Variants in PRKN observed in about 807,000 individuals in gnomAD.
PRKN encodes parkin RBR E3 ubiquitin protein ligase, also known as E3 ubiquitin-protein ligase parkin.
PRKN carries 56 observed loss-of-function variants against 59.5 expected under a neutral mutation model. The observed-to-expected ratio is 0.94, with a 90% CI of 0.76 to 1.18. PRKN has a LOEUF of 1.18. PRKN is among the 50% of genes most tolerant of loss of function. The pLI, the probability that PRKN is intolerant of heterozygous loss-of-function variation, is 0.00. For missense variants in PRKN, 657 were observed against 596.4 expected (o/e 1.10, Z -1.06); for synonymous variants, 250 against 222.1 (o/e 1.13, Z -1.12).
intron 4 of PRKN, among the ~76,000 whole-genome samples, chr6:162,178,048 T>C (rs964637815): frequency 6.6e-6 from 1 of 152,204 alleles, no homozygotes; most frequent in Admixed American, 6.5e-5. Flanking sequence ...TATTTTCCCC[T>C]GTAGGCTAAG....
At chr6:162,337,414 A>G (rs748206336) in intron 2 of PRKN, among the ~76,000 whole-genome samples, 1 of 152,238 alleles carries the variant, frequency 6.6e-6, no homozygotes, top group Non-Finnish European at 1.5e-5. Context: ...CTCAGAGTTC[A>G]ACACATTTGG....
intron 9 of PRKN, among the ~76,000 whole-genome samples, chr6:161,531,664 G>A (rs1267555105): frequency 6.6e-6 from 1 of 152,124 alleles, no homozygotes; most frequent in African/African-American, 2.4e-5. Context: ...AAACGTGTAG[G>A]GGATATTTAG....
At chr6:162,643,565 T>C (rs549063087) in intron 1 of PRKN, among the ~76,000 whole-genome samples, 2 of 152,230 alleles carry the variant, frequency 1.3e-5, no homozygotes, top group African/African-American at 4.8e-5. Context: ...TTTCCATTAA[T>C]GGACTCTTGC....
At chr6:162,670,092 T>C (rs561178948) in intron 1 of PRKN, among the ~76,000 whole-genome samples, 25 of 152,250 alleles carry the variant, frequency 1.6e-4, no homozygotes, top group African/African-American at 5.8e-4. Flanking sequence ...ACTAACAGAA[T>C]TAAATATCCC....
At chr6:161,636,428 C>A (rs1783523849) in intron 7 of PRKN, among the ~76,000 whole-genome samples, 1 of 152,210 alleles carries the variant, frequency 6.6e-6, no homozygotes, top group Non-Finnish European at 1.5e-5. Context: ...GATATAATCC[C>A]CTGTCTTTCA....
At position 162,370,420 on chromosome 6, in the gene PRKN, G is replaced by A. The variant is rs562226865; in HGVS notation, c.171+72890C>T. On this transcript the variant is annotated intron_variant, in intron 2 of 11. Coordinates refer to ENST00000366898, the MANE Select transcript of PRKN (RefSeq NM_004562.3). ...AACCAAGGATGTTGTATAAATATTC[G>A]TCCTTGTGTCACTATTTTATTGGCT... is the stretch of plus-strand genomic sequence containing the variant. Among the ~76,000 whole-genome samples the A allele has an allele frequency of 2.0e-5, 3 of 152,150 alleles. 1 individual carries two copies. Among genetic ancestry groups the A allele is most frequent in the Admixed American group, 1.3e-4 (2 of 15,266 alleles).
intron 5 of PRKN, among the ~76,000 whole-genome samples, chr6:162,016,987 G>A (rs534868742): frequency 6.6e-6 from 1 of 152,294 alleles, no homozygotes; most frequent in South Asian, 2.1e-4. Context: ...AACTGTGTGT[G>A]TGCAACTCAA....
intron 1 of PRKN, among the ~76,000 whole-genome samples, chr6:162,701,576 A>G (rs1778153287): frequency 6.6e-6 from 1 of 152,106 alleles, no homozygotes; most frequent in African/African-American, 2.4e-5. Flanking sequence ...AAAAAAATAC[A>G]AGTCCAGCAC....
chr6:161,963,974 A>G (rs1261761043), intron 6 of PRKN, among the ~76,000 whole-genome samples: 1 of 150,978 alleles, frequency 6.6e-6, no homozygotes, highest in African/African-American at 2.5e-5. Flanking sequence ...CACACAGGAC[A>G]ACAGCGAGTT....
chr6:161,581,725 G>C lies in PRKN; in HGVS notation c.872-12309C>G, dbSNP rs1781348119. 6.6e-6 allele frequency among the ~76,000 whole-genome samples: 1 copy of C among 152,210 alleles called. No homozygotes were observed. The highest frequency in any genetic ancestry group is 6.5e-5 in the Admixed American group (1 of 15,280). ...ATCAGCAATTGGTGTTGACTCAGAA[G>C]GCTGAGATTCTGTTTGAGGACTTAA... is the stretch of plus-strand genomic sequence containing the variant. On this transcript the variant is annotated intron_variant, in intron 7 of 11. Transcript: ENST00000366898. The surrounding 1 kb of genome is among the most constrained non-coding windows in gnomAD (Gnocchi z 4.5).
chr6:161,868,081 T>A lies in PRKN; in HGVS notation c.735-82173A>T, dbSNP rs550898091. Among the ~76,000 whole-genome samples, 3 of 152,036 alleles carry A rather than the reference T, an allele frequency of 2.0e-5. No individual in the cohort carries two copies. In the East Asian group the frequency reaches 5.8e-4, roughly 30 times the overall value. On this transcript the variant is annotated intron_variant, in intron 6 of 11. Coordinates refer to ENST00000366898, the MANE Select transcript of PRKN (RefSeq NM_004562.3). ...TGGCCAAATCTTTTAATTTCTTTAA[T>A]CCCAATCTTTTACTTCTAAGATAAT...
chr6:162,631,938 C>T (rs1783123441), intron 1 of PRKN, among the ~76,000 whole-genome samples: 1 of 141,366 alleles, frequency 7.1e-6, no homozygotes, highest in Non-Finnish European at 1.5e-5. Flanking sequence ...ATCAAAACCA[C>T]AATAAGATAC....
At chr6:162,675,818 C>T (rs1212107005) in intron 1 of PRKN, among the ~76,000 whole-genome samples, 1 of 151,972 alleles carries the variant, frequency 6.6e-6, no homozygotes, top group East Asian at 1.9e-4. Flanking sequence ...CTGAGAATAA[C>T]TATTTTTAAA....
intron 4 of PRKN, among the ~76,000 whole-genome samples, chr6:162,124,500 TTGAGCTGGAATC>T (rs1265696389): frequency 1.4e-4 from 22 of 152,264 alleles, no homozygotes; most frequent in Admixed American, 4.6e-4. Context: ...GAAAAGCCCA[TTGAGCTGGAATC>T]TGATTTGAAA....
At chr6:161,750,668 G>A (rs1788651706) in intron 7 of PRKN, among the ~76,000 whole-genome samples, 1 of 151,628 alleles carries the variant, frequency 6.6e-6, no homozygotes, top group East Asian at 2.0e-4. Context: ...TAGGGAGGCT[G>A]AGGCAGGAGA....
chr6:161,514,247 A>C (rs1165269328), intron 9 of PRKN, among the ~76,000 whole-genome samples: 1 of 152,106 alleles, frequency 6.6e-6, no homozygotes, highest in African/African-American at 2.4e-5. Context: ...TCTGCAAATG[A>C]AAGATATTTA....
chr6:161,916,915 C>T (rs1778585131), intron 6 of PRKN, among the ~76,000 whole-genome samples: 1 of 152,148 alleles, frequency 6.6e-6, no homozygotes, highest in Non-Finnish European at 1.5e-5. Flanking sequence ...TCTCCTCCTG[C>T]CCCAGCCTCC....
rs187209502 is a variant in PRKN at position 161,359,174 on chromosome 6, G to A, written c.1285+914C>T. On this transcript the variant is annotated intron_variant, in intron 11 of 11. Transcript: ENST00000366898. This position sits in a 1 kb window ranked among gnomAD's most constrained non-coding sequence, Gnocchi z 5.4. ...GCATGCAATGGAGTAATAAGGACAC[G>A]CTGGGTAAATTATTTATTTTCTCTG... Among the ~76,000 whole-genome samples the A allele has an allele frequency of 3.2e-3, 492 of 152,302 alleles. 2 individuals are homozygous for A. The highest frequency in any genetic ancestry group is 0.011 in the African/African-American group (456 of 41,566).
chr6:162,123,453 T>C (rs12663541), intron 4 of PRKN, among the ~76,000 whole-genome samples: 7 of 152,236 alleles, frequency 4.6e-5, no homozygotes, highest in African/African-American at 1.4e-4. Context: ...GGTATGTATA[T>C]GGTAACTAAT....
Sources: allele counts gnomAD v4.1 joint callset (sites outside exome capture counted in the v4.1 genomes callset), GRCh38; gene constraint gnomAD v4.1.1; non-coding constraint Gnocchi (gnomAD v3.1); transcripts MANE v1.5; gene names NCBI Gene and HGNC (gene_info 2026-07-23, HGNC 2026-07-21).